PACRG: variants seen among roughly 807,000 people sequenced by gnomAD.
PACRG encodes the protein parkin coregulated.
Under a neutral mutation model 29.7 loss-of-function variants are expected in PACRG, and 29 were observed. The observed-to-expected ratio is 0.98, with a 90% CI of 0.73 to 1.33. The LOEUF (loss-of-function observed/expected upper bound fraction) is 1.33, where lower values mean the gene tolerates loss of function less well. Ranked by LOEUF, PACRG falls within the 40% of genes most tolerant of loss-of-function variation. The pLI, the probability that PACRG is intolerant of heterozygous loss-of-function variation, is 0.00. For missense variants in PACRG, 279 were observed against 316.2 expected, an observed-to-expected ratio of 0.88 and a Z score of 0.89; for synonymous variants, 116 against 118.7, an observed-to-expected ratio of 0.98 and a Z score of 0.15.
intron 4 of PACRG, among the ~76,000 whole-genome samples, chr6:163,147,023 TTCTAA>T (rs1244004732): frequency 1.3e-5 from 2 of 152,230 alleles, no homozygotes; most frequent in African/African-American, 4.8e-5. Context: ...ATCAATTCTC[TTCTAA>T]TCATCCTTTG....
At chr6:162,994,530 G>A (rs981008581) in intron 2 of PACRG, among the ~76,000 whole-genome samples, 23 of 151,940 alleles carry the variant, frequency 1.5e-4, no homozygotes, top group Admixed American at 5.9e-4. Flanking sequence ...CCAGTTGATC[G>A]CATCGGCTCT....
chr6:163,179,302 A>G, intron 4 of PACRG: 1 of 453,544 alleles, frequency 2.2e-6, no homozygotes, highest in South Asian at 1.6e-5. Flanking sequence ...TTCCCACCAC[A>G]CCTGCACCTT....
At chr6:162,969,025 G>T (rs1465415475) in intron 2 of PACRG, among the ~76,000 whole-genome samples, 1 of 128,812 alleles carries the variant, frequency 7.8e-6, no homozygotes, top group African/African-American at 3.0e-5. Flanking sequence ...CCAGCCTGGG[G>T]AACAGAGCGA....
At chr6:162,997,296 T>C in intron 2 of PACRG, 2 of 342,100 alleles carry the variant, frequency 5.8e-6, no homozygotes, top group Non-Finnish European at 1.1e-5. Context: ...ATTGTCGGAA[T>C]GCATCTGACA....
intron 2 of PACRG, chr6:163,042,710 A>T (rs1808860138): frequency 6.6e-6 from 1 of 151,970 alleles, no homozygotes; most frequent in Admixed American, 6.6e-5. Flanking sequence ...GTAAAAAAAA[A>T]AAAAAGAGAG....
intron 1 of PACRG, among the ~76,000 whole-genome samples, chr6:162,787,582 G>GTGTATATATA (rs1198197561): frequency 1.3e-4 from 8 of 62,406 alleles, no homozygotes; most frequent in East Asian, 1.1e-3. Flanking sequence ...GTGTGTGTGT[G>GTGTATATATA]TATATATATA....
At chr6:163,024,575 T>C (rs1291003701) in intron 2 of PACRG, among the ~76,000 whole-genome samples, 1 of 152,232 alleles carries the variant, frequency 6.6e-6, no homozygotes, top group Non-Finnish European at 1.5e-5. Context: ...CTTGGTTCCA[T>C]ATGAATTTTA....
chr6:163,018,535 T>A lies in PACRG; in HGVS notation c.292-43615T>A, dbSNP rs150552335. Among the ~76,000 whole-genome samples the A allele has an allele frequency of 3.9e-5, 6 of 152,318 alleles. No individual in the cohort carries two copies. The East Asian group carries it at 1.2e-3, about 29-fold the overall frequency. Reference sequence around the variant, plus strand: ...GAGTATAAAATCTTTGGCTCAAATTTTTTTTCCTCAAGTTGCCCAATTTCT... The same window carrying A: ...GAGTATAAAATCTTTGGCTCAAATTATTTTTCCTCAAGTTGCCCAATTTCT... On this transcript the variant is annotated intron_variant, in intron 2 of 4. Transcript: ENST00000366888.
chr6:163,070,644 A>G (rs1811954021), intron 3 of PACRG, among the ~76,000 whole-genome samples: 1 of 152,014 alleles, frequency 6.6e-6, no homozygotes, highest in Non-Finnish European at 1.5e-5. Flanking sequence ...AAGAAGGAAT[A>G]GAAGATCACA....
chr6:163,178,757 G>A (rs1779508634), intron 4 of PACRG, among the ~76,000 whole-genome samples: 1 of 152,072 alleles, frequency 6.6e-6, no homozygotes, highest in African/African-American at 2.4e-5. Flanking sequence ...ATCACATCCA[G>A]CACCCGGTTT....
At chr6:162,828,512 G>A (rs187247425) in intron 2 of PACRG, among the ~76,000 whole-genome samples, 1 of 152,324 alleles carries the variant, frequency 6.6e-6, no homozygotes, top group East Asian at 1.9e-4. Flanking sequence ...AGCAGTGAAT[G>A]AAGCAGCGAA....
chr6:162,980,214 A>G (rs1464742872), intron 2 of PACRG, among the ~76,000 whole-genome samples: 2 of 151,964 alleles, frequency 1.3e-5, no homozygotes, highest in Non-Finnish European at 2.9e-5. Context: ...TTTCAGTGTA[A>G]TAATTACTAG....
At chr6:162,829,411 G>T (rs1023988491) in intron 2 of PACRG, among the ~76,000 whole-genome samples, 1 of 152,234 alleles carries the variant, frequency 6.6e-6, no homozygotes, top group Non-Finnish European at 1.5e-5. Context: ...ATGAAACTGA[G>T]TATTAAAGAC....
At chr6:162,787,622 G>GTGT (rs1784610806) in intron 1 of PACRG, among the ~76,000 whole-genome samples, 1 of 66,226 alleles carries the variant, frequency 1.5e-5, no homozygotes, top group African/African-American at 5.8e-5. Flanking sequence ...ATATATATAT[G>GTGT]GTTGTCCTCT....
chr6:163,098,983 C>G (rs999779764), intron 4 of PACRG, among the ~76,000 whole-genome samples: 1 of 152,138 alleles, frequency 6.6e-6, no homozygotes, highest in African/African-American at 2.4e-5. Flanking sequence ...TTCTTTACTG[C>G]GACCTATTTC....
intron 2 of PACRG, among the ~76,000 whole-genome samples, chr6:162,877,263 G>A (rs1793439205): frequency 6.6e-6 from 1 of 152,102 alleles, no homozygotes; most frequent in South Asian, 2.1e-4. Context: ...CCATAAAAAA[G>A]AATGAGTTCA....
intron 4 of PACRG, among the ~76,000 whole-genome samples, chr6:163,215,241 C>T (rs1781316742): frequency 6.6e-6 from 1 of 152,020 alleles, no homozygotes; most frequent in Non-Finnish European, 1.5e-5. Context: ...GGTATGCTGT[C>T]ATTATTTAAA....
At chr6:163,105,337 A>G (rs1815323366) in intron 4 of PACRG, among the ~76,000 whole-genome samples, 1 of 152,170 alleles carries the variant, frequency 6.6e-6, no homozygotes, top group South Asian at 2.1e-4. Flanking sequence ...ACATTTAAAG[A>G]ATGATCACTT....
chr6:162,972,683 C>T (rs113870823), intron 2 of PACRG, among the ~76,000 whole-genome samples: 15 of 152,112 alleles, frequency 9.9e-5, no homozygotes, highest in Non-Finnish European at 1.6e-4. Context: ...TATTGAAAGA[C>T]GAGAAGATCC....
Sources: allele counts gnomAD v4.1 joint callset (sites outside exome capture counted in the v4.1 genomes callset), GRCh38; gene constraint gnomAD v4.1.1; transcripts MANE v1.5; gene names NCBI Gene and HGNC (gene_info 2026-07-23, HGNC 2026-07-21).